MTCL3: variants seen among roughly 807,000 people sequenced by gnomAD.
The protein encoded by MTCL3 is MTCL family member 3.
the MTCL3 span, among the ~76,000 whole-genome samples, chr6:127,497,574 C>T: frequency 6.6e-6 from 1 of 152,196 alleles, no homozygotes; most frequent in Non-Finnish European, 1.5e-5. Flanking sequence ...TTTCCTACTT[C>T]AAACAGGCCA....
At chr6:127,475,433 T>C in the MTCL3 span, 1 of 1,613,034 alleles carries the variant, frequency 6.2e-7, no homozygotes, top group Non-Finnish European at 8.5e-7. This position sits in a 1 kb window ranked among gnomAD's most constrained non-coding sequence, Gnocchi z 7.3. Flanking sequence ...TGCTCCCGGA[T>C]GCGGCTGCCG....
chr6:127,484,817 C>G, the MTCL3 span, among the ~76,000 whole-genome samples: 16 of 152,304 alleles, frequency 1.1e-4, no homozygotes, highest in Middle Eastern at 3.4e-3. Context: ...TACATTATCT[C>G]AGCTAATTTT....
At chr6:127,475,264 G>A in the MTCL3 span, 6 of 1,555,892 alleles carry the variant, frequency 3.9e-6, no homozygotes, top group East Asian at 2.3e-5. The surrounding 1 kb of genome is among the most constrained non-coding windows in gnomAD (Gnocchi z 7.3). Context: ...CCTGGCCACC[G>A]CCGTGGCTCG....
chr6:127,479,521 A>G, the MTCL3 span, among the ~76,000 whole-genome samples: 1 of 152,226 alleles, frequency 6.6e-6, no homozygotes, highest in South Asian at 2.1e-4. Context: ...GAATCTAACC[A>G]AAACAGCAGT....
the MTCL3 span, among the ~76,000 whole-genome samples, chr6:127,495,817 A>G: frequency 6.6e-6 from 1 of 152,254 alleles, no homozygotes; most frequent in Non-Finnish European, 1.5e-5. Flanking sequence ...AAATTTAAAA[A>G]TGTAAACCAT....
At chr6:127,481,870 A>C in the MTCL3 span, among the ~76,000 whole-genome samples, 1 of 152,238 alleles carries the variant, frequency 6.6e-6, no homozygotes, top group Admixed American at 6.5e-5. Flanking sequence ...CACAAGATAC[A>C]GGTCATAAAG....
chr6:127,516,823 G>C, the MTCL3 span: 3 of 844,402 alleles, frequency 3.6e-6, no homozygotes, highest in Non-Finnish European at 5.2e-6. Flanking sequence ...ATAGGATGCA[G>C]GGCTGTCTTT....
At chr6:127,475,808 A>T in the MTCL3 span, 1 of 1,612,500 alleles carries the variant, frequency 6.2e-7, no homozygotes, top group African/African-American at 1.3e-5. The surrounding 1 kb of genome is among the most constrained non-coding windows in gnomAD (Gnocchi z 7.3). Flanking sequence ...CCCAGGTGCG[A>T]GGCCAGGTCG....
chr6:127,475,674 C>T, the MTCL3 span: 2 of 1,586,090 alleles, frequency 1.3e-6, no homozygotes, highest in Non-Finnish European at 8.5e-7. The surrounding 1 kb of genome is among the most constrained non-coding windows in gnomAD (Gnocchi z 7.3). Flanking sequence ...TGCGCACCTC[C>T]TCCGAGTCGC....
At chr6:127,493,333 A>G in the MTCL3 span, among the ~76,000 whole-genome samples, 2 of 152,240 alleles carry the variant, frequency 1.3e-5, no homozygotes, top group African/African-American at 4.8e-5. Context: ...TTTAGAAAAG[A>G]ATAGAGAAGG....
At chr6:127,492,067 T>C in the MTCL3 span, among the ~76,000 whole-genome samples, 1 of 152,228 alleles carries the variant, frequency 6.6e-6, no homozygotes, top group African/African-American at 2.4e-5. Context: ...GTGTTTTAAG[T>C]CTGGGCTGGC....
At chr6:127,500,258 C>T in the MTCL3 span, among the ~76,000 whole-genome samples, 1 of 152,170 alleles carries the variant, frequency 6.6e-6, no homozygotes, top group East Asian at 1.9e-4. Flanking sequence ...TCATACTTCT[C>T]CATTGCAAAA....
chr6:127,475,171 G>T, the MTCL3 span: 2 of 1,048,404 alleles, frequency 1.9e-6, no homozygotes, highest in Non-Finnish European at 2.7e-6. The surrounding 1 kb of genome is among the most constrained non-coding windows in gnomAD (Gnocchi z 7.3). Context: ...CCCCAGCGCG[G>T]CCCTGAGCGG....
the MTCL3 span, among the ~76,000 whole-genome samples, chr6:127,477,974 C>G: frequency 6.6e-6 from 1 of 152,026 alleles, no homozygotes; most frequent in Non-Finnish European, 1.5e-5. Flanking sequence ...AAAAATAGAG[C>G]AATGTGGTAA....
the MTCL3 span, chr6:127,514,940 G>A: frequency 6.2e-7 from 1 of 1,614,174 alleles, no homozygotes; most frequent in Non-Finnish European, 8.5e-7. Flanking sequence ...GGCAGTTTTT[G>A]TTGGCTCTCT....
chr6:127,515,542 T>C, the MTCL3 span: 1 of 1,462,396 alleles, frequency 6.8e-7, no homozygotes, highest in Non-Finnish European at 9.0e-7. The surrounding 1 kb of genome is among the most constrained non-coding windows in gnomAD (Gnocchi z 4.3). Context: ...CTCTCGCAGC[T>C]TCTCCATCTC....
At chr6:127,495,378 C>T in the MTCL3 span, among the ~76,000 whole-genome samples, 2 of 151,796 alleles carry the variant, frequency 1.3e-5, no homozygotes, top group Non-Finnish European at 2.9e-5. Context: ...TGGGTGGTGA[C>T]CAGAGTTCCT....
chr6:127,474,428 G>A, the MTCL3 span, among the ~76,000 whole-genome samples: 1 of 151,940 alleles, frequency 6.6e-6, no homozygotes, highest in Non-Finnish European at 1.5e-5. Context: ...ACAGGAGTGC[G>A]CCACCACACC....
At chr6:127,480,091 C>T in the MTCL3 span, among the ~76,000 whole-genome samples, 1 of 152,124 alleles carries the variant, frequency 6.6e-6, no homozygotes, top group Admixed American at 6.5e-5. Flanking sequence ...ATACAAATTA[C>T]ATGTGAAGAG....
Sources: allele counts gnomAD v4.1 joint callset (sites outside exome capture counted in the v4.1 genomes callset), GRCh38; gene constraint gnomAD v4.1.1; non-coding constraint Gnocchi (gnomAD v3.1); transcripts MANE v1.5; gene names NCBI Gene and HGNC (gene_info 2026-07-23, HGNC 2026-07-21).